Variants in DKK2 observed in about 807,000 individuals in gnomAD.
DKK2 encodes dickkopf Wnt signaling pathway inhibitor 2, also known as dickkopf-related protein 2.
DKK2 carries 11 observed loss-of-function variants against 28.1 expected under a neutral mutation model. The ratio of observed to expected loss-of-function variants is 0.39; its 90% CI spans 0.25 to 0.65. The LOEUF (loss-of-function observed/expected upper bound fraction) is 0.65, where lower values mean the gene tolerates loss of function less well. Among genes scored for constraint, DKK2 ranks in the 30% least tolerant of loss-of-function variants. DKK2 has a pLI of 0.47. For synonymous variants in DKK2, 135 were observed against 126.5 expected, an observed-to-expected ratio of 1.07 and a Z score of -0.45; for missense variants, 326 against 335.5, an observed-to-expected ratio of 0.97 and a Z score of 0.22.
chr4:106,996,228 C>T (rs772441106), intron 1 of DKK2, among the ~76,000 whole-genome samples: 30 of 152,058 alleles, frequency 2.0e-4, no homozygotes, highest in African/African-American at 7.2e-4. Flanking sequence ...ACACCACCAA[C>T]GATTTGTAGA....
Position 107,035,877 on chromosome 4 carries a change from A to G in DKK2, c.-286T>C. 2.1e-6 allele frequency: 1 copy of G among 471,788 alleles called. No individual in the cohort carries two copies. The highest frequency in any genetic ancestry group is 3.9e-6 in the Non-Finnish European group (1 of 258,526). 29.2% of individuals were successfully genotyped at this position (471,788 alleles called of 1,614,324 possible). A position where few individuals can be genotyped will look rare whatever the true frequency, so the allele number is the denominator to read the frequency against. The stretch of plus-strand genomic sequence containing the variant: ...GGCGCTTTCTCGCCAAGGAGGCGTG[A>G]CCCAAGGTGCAAGAAAACCCAGCCC... On this transcript the variant is annotated 5_prime_UTR_variant, in exon 1 of 4. Transcript: ENST00000285311.
In DKK2 at chr4:107,035,498, G is replaced by T; in HGVS notation, c.94C>A (p.Arg32=). ...GACTTGATGGAGTTGAGTTTGGCCC[G>T]CGAACTGCCGATCTGTGAGCTCTCC... ...MVESSQIGSS[R]AKLNSIKSSL... is the part of the protein sequence containing the mutation. Residue 32 remains arginine, a synonymous_variant, in exon 1 of 4, where the codon CGG becomes AGG. Coordinates refer to ENST00000285311, the MANE Select transcript of DKK2 (RefSeq NM_014421.3). The T allele has an allele frequency of 1.2e-6, 2 of 1,614,120 alleles. No individual in the cohort carries two copies. The highest frequency in any genetic ancestry group is 1.7e-5 in the Admixed American group (1 of 60,016).
At chr4:106,956,071 G>C (rs1274152763) in intron 1 of DKK2, among the ~76,000 whole-genome samples, 1 of 152,160 alleles carries the variant, frequency 6.6e-6, no homozygotes, top group African/African-American at 2.4e-5. Flanking sequence ...GTACACAGAA[G>C]ATCAGTGGAT....
At chr4:106,931,108 C>A (rs1290331600) in intron 1 of DKK2, among the ~76,000 whole-genome samples, 1 of 152,082 alleles carries the variant, frequency 6.6e-6, no homozygotes, top group Non-Finnish European at 1.5e-5. Flanking sequence ...TACTATCTGC[C>A]AAAGGCTGTG....
Position 106,935,911 on chromosome 4 carries a change from C to T in DKK2, c.223-9962G>A, listed in dbSNP as rs375146512. Among the ~76,000 whole-genome samples the T allele has an allele frequency of 1.2e-4, 19 of 152,234 alleles. No individual in the cohort carries two copies. In the Middle Eastern group the frequency reaches 0.01, roughly 82 times the overall value. ...CAGACCTGCAGCTGAGGGTCCTGTC[C>T]GTTAGAAGGAAAACTAACAAACAGA... is the stretch of plus-strand genomic sequence containing the variant. On this transcript the variant is annotated intron_variant, in intron 1 of 3. Transcript: ENST00000285311.
In DKK2 at chr4:107,035,686, C is replaced by G; in HGVS notation, c.-95G>C. On this transcript the variant is annotated 5_prime_UTR_variant, in exon 1 of 4. Coordinates refer to ENST00000285311, the MANE Select transcript of DKK2 (RefSeq NM_014421.3). Reference sequence around the variant, plus strand: ...CCAACACGGGGCCCCTCACTTGGGTCGCGGGGGCTTGCAGATTGTGTTCCC... The same window carrying G: ...CCAACACGGGGCCCCTCACTTGGGTGGCGGGGGCTTGCAGATTGTGTTCCC... The G allele has an allele frequency of 7.5e-7, 1 of 1,328,470 alleles. No homozygotes were observed. The highest frequency in any genetic ancestry group is 1.1e-6 in the Non-Finnish European group (1 of 951,470). 82.3% of individuals were successfully genotyped at this position (1,328,470 alleles called of 1,614,324 possible). A position where few individuals can be genotyped will look rare whatever the true frequency, so the allele number is the denominator to read the frequency against.
At chr4:106,949,430 C>T (rs1056719884) in intron 1 of DKK2, among the ~76,000 whole-genome samples, 1 of 152,024 alleles carries the variant, frequency 6.6e-6, no homozygotes, top group African/African-American at 2.4e-5. Flanking sequence ...TCTGTTTTAC[C>T]TTGGGTAAAA....
At chr4:106,977,501 T>G (rs1722962887) in intron 1 of DKK2, among the ~76,000 whole-genome samples, 1 of 152,194 alleles carries the variant, frequency 6.6e-6, no homozygotes, top group African/African-American at 2.4e-5. Flanking sequence ...ATGTTCAATC[T>G]CTGATAACCT....
intron 1 of DKK2, among the ~76,000 whole-genome samples, chr4:106,974,906 G>T (rs1486541649): frequency 6.6e-6 from 1 of 152,182 alleles, no homozygotes; most frequent in Non-Finnish European, 1.5e-5. Context: ...ATTATTTTGA[G>T]ATACGTTCCA....
At chr4:106,963,629 C>A (rs1578359555) in intron 1 of DKK2, among the ~76,000 whole-genome samples, 1 of 152,018 alleles carries the variant, frequency 6.6e-6, no homozygotes, top group East Asian at 1.9e-4. Context: ...TTGGGAGGTG[C>A]CTCAAAACCT....
At chr4:106,958,430 A>C (rs1479675850) in intron 1 of DKK2, among the ~76,000 whole-genome samples, 4 of 152,124 alleles carry the variant, frequency 2.6e-5, no homozygotes, top group African/African-American at 9.7e-5. Flanking sequence ...CTTTATATAT[A>C]AATTAAATTA....
At chr4:107,012,174 C>A (rs1371085222) in intron 1 of DKK2, among the ~76,000 whole-genome samples, 3 of 151,158 alleles carry the variant, frequency 2.0e-5, no homozygotes, top group African/African-American at 7.3e-5. Flanking sequence ...CATAATATTG[C>A]TGAAGGAAAA....
chr4:107,035,067 A>G (rs1306065289), intron 1 of DKK2, among the ~76,000 whole-genome samples: 3 of 152,184 alleles, frequency 2.0e-5, no homozygotes. Flanking sequence ...TCACAGTGTT[A>G]AATGGAAGGA....
At chr4:107,020,492 T>C (rs1367847912) in intron 1 of DKK2, among the ~76,000 whole-genome samples, 2 of 152,072 alleles carry the variant, frequency 1.3e-5, no homozygotes, top group Admixed American at 1.3e-4. Flanking sequence ...AGAACATTTT[T>C]ATGGGGTTAA....
chr4:107,003,329 C>T (rs1339083266), intron 1 of DKK2, among the ~76,000 whole-genome samples: 1 of 152,238 alleles, frequency 6.6e-6, no homozygotes, highest in Non-Finnish European at 1.5e-5. Context: ...AGGACCACTA[C>T]AAACCTCCAC....
At chr4:106,993,947 C>G (rs1292048244) in intron 1 of DKK2, among the ~76,000 whole-genome samples, 1 of 152,090 alleles carries the variant, frequency 6.6e-6, no homozygotes, top group Non-Finnish European at 1.5e-5. Context: ...AATGTTGTGG[C>G]TGACCAACAA....
chr4:106,985,208 CA>C (rs569150141), intron 1 of DKK2, among the ~76,000 whole-genome samples: 1,605 of 49,376 alleles, frequency 0.033, 8 homozygotes, highest in East Asian at 0.079. Context: ...TACTCCATCT[CA>C]AAAAAAAAAA....
chr4:106,931,086 T>C (rs1724496123), intron 1 of DKK2, among the ~76,000 whole-genome samples: 1 of 152,160 alleles, frequency 6.6e-6, no homozygotes, highest in Non-Finnish European at 1.5e-5. Flanking sequence ...AATCTGCCTG[T>C]GTGCTGTTGT....
intron 1 of DKK2, among the ~76,000 whole-genome samples, chr4:106,959,166 C>A (rs929360302): frequency 5.3e-5 from 8 of 151,934 alleles, no homozygotes; most frequent in Non-Finnish European, 1.2e-4. Flanking sequence ...CATAAGATGT[C>A]TAAAAAAAGA....
Sources: gnomAD v4.1 joint callset for allele counts (sites outside exome capture counted in the v4.1 genomes callset) on GRCh38, gnomAD v4.1.1 for gene constraint, MANE v1.5 for transcripts, NCBI Gene and HGNC (gene_info 2026-07-23, HGNC 2026-07-21) for gene names.